NRP2: variants seen among roughly 807,000 people sequenced by gnomAD.
The protein encoded by NRP2 is neuropilin 2.
A neutral mutation model predicts 110.4 loss-of-function variants in NRP2; 52 were observed. That is an observed-to-expected ratio of 0.47 (90% CI 0.38 to 0.59). NRP2 has a LOEUF of 0.59. Ranked by LOEUF, NRP2 falls within the 20% of genes least tolerant of loss-of-function variation. NRP2 has a pLI of 0.00. For missense variants in NRP2, 1,049 were observed against 1,203.0 expected (o/e 0.87, Z 1.89); for synonymous variants, 508 against 468.9 (o/e 1.08, Z -1.08).
intron 3 of NRP2, 46 bp downstream of exon 3, chr2:205,716,420 A>G (rs2056897284): frequency 6.2e-7 from 1 of 1,602,692 alleles, no homozygotes; most frequent in Non-Finnish European, 8.5e-7. Context: ...CGTCTTAGAG[A>G]AGAAGGAGGG....
At chr2:205,786,852 G>A (rs149375383) in intron 15 of NRP2, among the ~76,000 whole-genome samples, 1 of 152,264 alleles carries the variant, frequency 6.6e-6, no homozygotes, top group Non-Finnish European at 1.5e-5. Flanking sequence ...GAACCTCATG[G>A]GTTCTCTTGA....
intron 10 of NRP2, 124 bp downstream of exon 10, chr2:205,746,014 C>T: frequency 1.8e-6 from 2 of 1,093,702 alleles, no homozygotes; most frequent in South Asian, 2.6e-5. Flanking sequence ...GCTGCAGACC[C>T]CTGCCATGTT....
At chr2:205,694,330 G>A (rs1333881009) in intron 1 of NRP2, among the ~76,000 whole-genome samples, 2 of 152,198 alleles carry the variant, frequency 1.3e-5, no homozygotes, top group East Asian at 3.8e-4. Flanking sequence ...AATTACATCT[G>A]GAGCTGTCAC....
chr2:205,768,861 A>G (rs900068529), intron 15 of NRP2, among the ~76,000 whole-genome samples: 2 of 152,216 alleles, frequency 1.3e-5, no homozygotes, highest in Non-Finnish European at 2.9e-5. Flanking sequence ...TGGACACAGT[A>G]AAGAGCAGAA....
chr2:205,754,251 C>G (rs894966733), intron 12 of NRP2, among the ~76,000 whole-genome samples: 3 of 152,188 alleles, frequency 2.0e-5, no homozygotes, highest in African/African-American at 7.2e-5. Flanking sequence ...GGAAAGGGAC[C>G]TTCCCTTCTG....
rs849563 is a variant in NRP2, at chr2:205,745,778, T to A, written c.1674T>A (p.Pro558=). ...LFEGNMHYDT[P]DIRRFDPIPA... ...AAGGGAACATGCACTATGACACCCC[T>A]GACATCCGAAGGTTTGACCCCATTC... Residue 558 remains proline, a synonymous_variant, in exon 10 of 17, where the codon CCT becomes CCA. Transcript: ENST00000357785. 18 of 1,614,090 alleles carry A rather than the reference T, an allele frequency of 1.1e-5. No homozygotes were observed. The highest frequency in any genetic ancestry group is 2.2e-5 in the South Asian group (2 of 91,074).
At chr2:205,737,579 A>G (rs561502925) in intron 7 of NRP2, among the ~76,000 whole-genome samples, 46 of 152,216 alleles carry the variant, frequency 3.0e-4, no homozygotes, top group Non-Finnish European at 5.6e-4. Flanking sequence ...AAAAAATCTA[A>G]TAAGATGGTG....
chr2:205,717,369 A>T (rs1358309046), intron 3 of NRP2, among the ~76,000 whole-genome samples: 3 of 152,064 alleles, frequency 2.0e-5, no homozygotes, highest in Non-Finnish European at 4.4e-5. Context: ...GAGGCCCAAG[A>T]CCGGCGCCTG....
chr2:205,724,892 C>A (rs1242926700), intron 5 of NRP2, among the ~76,000 whole-genome samples: 3 of 152,056 alleles, frequency 2.0e-5, no homozygotes, highest in Non-Finnish European at 4.4e-5. Flanking sequence ...GTCTCGAACT[C>A]CTGCCCTCAA....
intron 9 of NRP2, 89 bp from the exon 10 acceptor site, chr2:205,745,657 G>A: frequency 1.3e-6 from 2 of 1,502,758 alleles, no homozygotes; most frequent in Non-Finnish European, 1.8e-6. Context: ...AGGACGTGCG[G>A]GGCAGGGAGG....
At chr2:205,724,809 G>A (rs1477821141) in intron 5 of NRP2, among the ~76,000 whole-genome samples, 1 of 151,978 alleles carries the variant, frequency 6.6e-6, no homozygotes, top group Non-Finnish European at 1.5e-5. Flanking sequence ...TGGAACTACA[G>A]GCATGCGCCA....
Position 205,697,562 on chromosome 2 carries a change from G to A in NRP2, c.92G>A (p.Arg31His), listed in dbSNP as rs752149340. 13 of 1,613,968 alleles carry A rather than the reference G, an allele frequency of 8.1e-6. No individual in the cohort carries two copies. Among genetic ancestry groups the A allele is most frequent in the South Asian group, 3.3e-5 (3 of 91,060 alleles). ...CTTTCAGACCCACCGTGCGGAGGTC[G>A]TTTGAATTCCAAAGATGCTGGCTAT... is the stretch of plus-strand genomic sequence containing the variant. ...RGQPDPPCGGRLNSKDAGYIT... is the reference protein window; with the variant it reads ...RGQPDPPCGGHLNSKDAGYIT... The change falls in exon 2 of 17, where the codon CGT (arginine) becomes CAT (histidine). Residue 31 changes from arginine to histidine, a missense_variant. Coordinates refer to ENST00000357785, the MANE Select transcript of NRP2 (RefSeq NM_003872.3).
At chr2:205,774,205 T>G (rs2058064483) in intron 15 of NRP2, among the ~76,000 whole-genome samples, 1 of 152,228 alleles carries the variant, frequency 6.6e-6, no homozygotes, top group Non-Finnish European at 1.5e-5. Context: ...ACCAGTTGAC[T>G]GTGACTTGCA....
At chr2:205,738,585 T>G (rs849579) in intron 7 of NRP2, among the ~76,000 whole-genome samples, 2 of 152,030 alleles carry the variant, frequency 1.3e-5, no homozygotes, top group African/African-American at 4.8e-5. Flanking sequence ...GGCCCTAACC[T>G]TCTTTCCTTC....
chr2:205,739,655 A>C (rs1173794290), intron 7 of NRP2, among the ~76,000 whole-genome samples: 1 of 151,616 alleles, frequency 6.6e-6, no homozygotes, highest in Non-Finnish European at 1.5e-5. Flanking sequence ...AAACCAAGGG[A>C]AACTCACATA....
chr2:205,718,344 T>A (rs950824121), intron 3 of NRP2, among the ~76,000 whole-genome samples: 4 of 152,226 alleles, frequency 2.6e-5, no homozygotes, highest in Non-Finnish European at 5.9e-5. Flanking sequence ...GGTATCATAA[T>A]TCAATATCGC....
rs984813789 is a variant in NRP2 at position 205,686,967 on chromosome 2, C to T, written c.73+3604C>T. Among the ~76,000 whole-genome samples the T allele has an allele frequency of 3.3e-5, 5 of 152,132 alleles. No individual in the cohort carries two copies. Among genetic ancestry groups the T allele is most frequent in the African/African-American group, 9.7e-5 (4 of 41,420 alleles). On this transcript the variant is annotated intron_variant, in intron 1 of 16. Transcript: ENST00000357785. The surrounding 1 kb of genome is among the most constrained non-coding windows in gnomAD (Gnocchi z 4.7). ...GTTTTGCTCAGAAAATCATTCAAGT[C>T]CTGACAATGGGTTTCTTCAAATGGT...
chr2:205,722,814 T>A, intron 4 of NRP2, 106 bp downstream of exon 4: 1 of 876,980 alleles, frequency 1.1e-6, no homozygotes, highest in Non-Finnish European at 1.9e-6. Flanking sequence ...CTATGAGTTC[T>A]TATATGACCC....
At chr2:205,700,094 G>A (rs1055835876) in intron 2 of NRP2, among the ~76,000 whole-genome samples, 1 of 152,034 alleles carries the variant, frequency 6.6e-6, no homozygotes, top group African/African-American at 2.4e-5. Flanking sequence ...GCCATAAATG[G>A]GCTTCCCCTC....
Sources: allele counts gnomAD v4.1 joint callset (sites outside exome capture counted in the v4.1 genomes callset), GRCh38; gene constraint gnomAD v4.1.1; non-coding constraint Gnocchi (gnomAD v3.1); transcripts MANE v1.5; gene names NCBI Gene and HGNC (gene_info 2026-07-23, HGNC 2026-07-21).